ST8SIA5: variants seen among roughly 807,000 people sequenced by gnomAD.
ST8SIA5 encodes the protein alpha-2,8-sialyltransferase 8E.
Under a neutral mutation model 40.2 loss-of-function variants are expected in ST8SIA5, and 24 were observed. The observed-to-expected ratio is 0.60, with a 90% CI of 0.43 to 0.84. The LOEUF is 0.84. Ranked by LOEUF, ST8SIA5 falls within the 40% of genes least tolerant of loss-of-function variation. The probability of loss-of-function intolerance (pLI) is 0.00; values close to 1 mark genes in which losing one functional copy is unlikely to be tolerated. For missense variants in ST8SIA5, 465 were observed against 498.5 expected, an observed-to-expected ratio of 0.93 and a Z score of 0.64; for synonymous variants, 198 against 201.8, an observed-to-expected ratio of 0.98 and a Z score of 0.16.
intron 2 of ST8SIA5, among the ~76,000 whole-genome samples, chr18:46,694,791 G>T (rs1022491737): frequency 1.3e-5 from 2 of 151,948 alleles, no homozygotes; most frequent in Non-Finnish European, 2.9e-5. Flanking sequence ...ATATCTTTGG[G>T]GAGAATCTGA....
At chr18:46,703,883 ATG>A (rs1255915653) in intron 2 of ST8SIA5, among the ~76,000 whole-genome samples, 1 of 152,200 alleles carries the variant, frequency 6.6e-6, no homozygotes, top group African/African-American at 2.4e-5. Context: ...GCATGCTAAA[ATG>A]TTCAGCATTT....
chr18:46,756,424 C>T lies in ST8SIA5; in HGVS notation c.85G>A (p.Val29Met). ...TACAGGATCTGTTGCAGCAAGGTCA[C>T]CAAGGCAAAGGCGCAGATGAAGATG... ...LFIFICAFAL[V>M]TLLQQILYGR... The change falls in exon 1 of 7, where the codon GTG becomes ATG. Residue 29 changes from valine (V) to methionine (M), a missense_variant. Val to Met is a conservative substitution (Grantham distance 21). Coordinates refer to ENST00000315087, the MANE Select transcript of ST8SIA5 (RefSeq NM_013305.6). 6.2e-7 allele frequency: 1 copy of T among 1,613,242 alleles called. No individual in the cohort carries two copies. Among genetic ancestry groups the T allele is most frequent in the Non-Finnish European group, 8.5e-7 (1 of 1,179,384 alleles).
chr18:46,750,905 C>T (rs1410890029), intron 1 of ST8SIA5, among the ~76,000 whole-genome samples: 2 of 152,140 alleles, frequency 1.3e-5, no homozygotes, highest in East Asian at 1.9e-4. Context: ...GGTTTCAACC[C>T]AACGGATTGT....
At chr18:46,694,822 A>G (rs2039540745) in intron 2 of ST8SIA5, among the ~76,000 whole-genome samples, 1 of 145,392 alleles carries the variant, frequency 6.9e-6, no homozygotes, top group Non-Finnish European at 1.5e-5. Context: ...AGGTTCCTAC[A>G]GGGGTCCATT....
At chr18:46,722,393 A>G (rs1377077873) in intron 1 of ST8SIA5, among the ~76,000 whole-genome samples, 1 of 152,178 alleles carries the variant, frequency 6.6e-6, no homozygotes, top group African/African-American at 2.4e-5. Flanking sequence ...TTCTCTTATC[A>G]GAGACTCTGC....
intron 5 of ST8SIA5, among the ~76,000 whole-genome samples, chr18:46,685,243 A>G (rs1178031286): frequency 6.6e-6 from 1 of 152,188 alleles, no homozygotes; most frequent in Non-Finnish European, 1.5e-5. Flanking sequence ...CCAAAAGACC[A>G]TCTTGAAAGA....
intron 1 of ST8SIA5, among the ~76,000 whole-genome samples, chr18:46,741,830 A>G (rs1389366901): frequency 1.3e-5 from 2 of 152,194 alleles, no homozygotes; most frequent in Admixed American, 1.3e-4. Context: ...GGCTGGATGC[A>G]GTGGCTCACA....
At chr18:46,711,749 T>C (rs1251603896) in intron 1 of ST8SIA5, among the ~76,000 whole-genome samples, 2 of 151,514 alleles carry the variant, frequency 1.3e-5, no homozygotes, top group Admixed American at 6.6e-5. Flanking sequence ...TGTTAACAAC[T>C]GCGGGTCACA....
chr18:46,756,533 C>T lies in ST8SIA5; in HGVS notation c.-25G>A, dbSNP rs2040249885. ...TCCTGGCTACCGGGCGCCGCGGGCG[C>T]GGGGTACGGGGCGGCCAGGCAATGA... On this transcript the variant is annotated 5_prime_UTR_variant, in exon 1 of 7. Transcript: ENST00000315087. 6.2e-7 allele frequency: 1 copy of T among 1,610,592 alleles called. No homozygotes were observed. Among genetic ancestry groups the T allele is most frequent in the African/African-American group, 1.3e-5 (1 of 74,714 alleles).
intron 1 of ST8SIA5, among the ~76,000 whole-genome samples, chr18:46,723,584 A>T (rs2039884838): frequency 6.6e-6 from 1 of 152,156 alleles, no homozygotes; most frequent in African/African-American, 2.4e-5. Context: ...ATGAATGAAT[A>T]AATAGTGAAA....
chr18:46,745,800 C>G (rs566184762), intron 1 of ST8SIA5, among the ~76,000 whole-genome samples: 1 of 152,116 alleles, frequency 6.6e-6, no homozygotes, highest in African/African-American at 2.4e-5. Flanking sequence ...TGATAAACAT[C>G]GATGCAAAAG....
intron 1 of ST8SIA5, among the ~76,000 whole-genome samples, chr18:46,718,744 C>T (rs978016963): frequency 1.3e-5 from 2 of 152,060 alleles, no homozygotes; most frequent in African/African-American, 4.8e-5. Flanking sequence ...ACAGGTTGTA[C>T]CACACTTCAA....
In ST8SIA5 at chr18:46,686,299, C is replaced by T; in HGVS notation, c.457-13G>A. 1.9e-6 allele frequency: 3 copies of T among 1,612,276 alleles called. No homozygotes were observed. Among genetic ancestry groups the T allele is most frequent in the Non-Finnish European group, 2.5e-6 (3 of 1,178,370 alleles). ...AGTAGGGCATGTCCTGGGGGAGGCA[C>T]AGGCACAGCTGTCAGAGCCAAGCCA... On this transcript the variant is annotated splice_polypyrimidine_tract_variant and intron_variant, in intron 4 of 6. Coordinates refer to ENST00000315087, the MANE Select transcript of ST8SIA5 (RefSeq NM_013305.6).
At position 46,745,893 on chromosome 18, in the gene ST8SIA5, G is replaced by A. The variant is rs536394317; in HGVS notation, c.131+10485C>T. ...ACGATCAAGTGGGCTTCATCCCTGG[G>A]ATGCAAGGCTGGTTCAACATATGCA... On this transcript the variant is annotated intron_variant, in intron 1 of 6. Transcript: ENST00000315087. Among the ~76,000 whole-genome samples the A allele has an allele frequency of 1.1e-4, 17 of 152,304 alleles. 2 individuals carry two copies. The highest frequency in any genetic ancestry group is 3.3e-4 in the Admixed American group (5 of 15,298).
chr18:46,728,621 C>T (rs2039955580), intron 1 of ST8SIA5, among the ~76,000 whole-genome samples: 1 of 152,234 alleles, frequency 6.6e-6, no homozygotes, highest in Non-Finnish European at 1.5e-5. Flanking sequence ...CAGCGTGCAG[C>T]CCAGGTCACC....
chr18:46,738,079 A>C (rs576871972), intron 1 of ST8SIA5, among the ~76,000 whole-genome samples: 9 of 152,058 alleles, frequency 5.9e-5, no homozygotes, highest in Non-Finnish European at 1.3e-4. Context: ...CCAATAGTTA[A>C]TATTATTACC....
intron 2 of ST8SIA5, among the ~76,000 whole-genome samples, chr18:46,704,075 G>A (rs1599116370): frequency 6.6e-6 from 1 of 152,214 alleles, no homozygotes; most frequent in Admixed American, 6.5e-5. Flanking sequence ...TCACCTCTGG[G>A]GAGAACTCGG....
At chr18:46,727,291 T>C (rs907138976) in intron 1 of ST8SIA5, among the ~76,000 whole-genome samples, 1 of 152,240 alleles carries the variant, frequency 6.6e-6, no homozygotes, top group Admixed American at 6.5e-5. Context: ...AGCTTTTCTC[T>C]GTTGTGTGGT....
chr18:46,694,985 C>G (rs1331040196), intron 2 of ST8SIA5, among the ~76,000 whole-genome samples: 1 of 151,920 alleles, frequency 6.6e-6, no homozygotes, highest in Admixed American at 6.5e-5. Flanking sequence ...ATAGTGAAAC[C>G]CTGTCTCCAC....
Sources: allele counts gnomAD v4.1 joint callset (sites outside exome capture counted in the v4.1 genomes callset), GRCh38; gene constraint gnomAD v4.1.1; transcripts MANE v1.5; gene names NCBI Gene and HGNC (gene_info 2026-07-23, HGNC 2026-07-21).